Variants in CSMD3 observed in about 807,000 individuals in gnomAD.
CSMD3 encodes the protein CUB and Sushi multiple domains 3.
A neutral mutation model predicts 435.2 loss-of-function variants in CSMD3; 177 were observed. The ratio of observed to expected loss-of-function variants is 0.41; its 90% CI spans 0.36 to 0.46. CSMD3 has a LOEUF of 0.46. Ranked by LOEUF, CSMD3 falls within the 20% of genes least tolerant of loss-of-function variation. The pLI is 0.34. For synonymous variants in CSMD3, 1,656 were observed against 1,520.5 expected (o/e 1.09, Z -2.07); for missense variants, 4,265 against 4,504.6 (o/e 0.95, Z 1.52).
At chr8:112,823,416 G>C (rs1210419356) in intron 12 of CSMD3, among the ~76,000 whole-genome samples, 3 of 151,944 alleles carry the variant, frequency 2.0e-5, no homozygotes, top group East Asian at 1.9e-4. Flanking sequence ...TGATGTCAGG[G>C]TGTCAATTTG....
chr8:112,289,516 G>T lies in CSMD3; in HGVS notation c.8997C>A (p.Gly2999=). Residue 2999 remains glycine (G), a synonymous_variant, in exon 57 of 71, where the codon GGC becomes GGA. Transcript: ENST00000297405. ...CAGACAGGACTGCATTAGGAGGAAC[G>T]CCAGGGTGTCCACAGTCAATCACTA... ...ECIMIDCGHP[G]VPPNAVLSGE... is the part of the protein sequence containing the mutation. 1 of 1,612,058 alleles carries T rather than the reference G, an allele frequency of 6.2e-7. No individual in the cohort carries two copies.
intron 13 of CSMD3, among the ~76,000 whole-genome samples, chr8:112,722,740 G>C (rs1374418797): frequency 6.6e-6 from 1 of 151,930 alleles, no homozygotes; most frequent in South Asian, 2.1e-4. Flanking sequence ...ATAGACACAA[G>C]GAATAAAAGA....
intron 1 of CSMD3, among the ~76,000 whole-genome samples, chr8:113,370,404 G>C (rs539100131): frequency 6.6e-6 from 1 of 150,686 alleles, no homozygotes; most frequent in South Asian, 2.1e-4. Context: ...TTGTCAAATT[G>C]TGATTAGGTT....
chr8:112,616,989 C>T (rs184544580), intron 22 of CSMD3, among the ~76,000 whole-genome samples: 351 of 152,270 alleles, frequency 2.3e-3, no homozygotes, highest in African/African-American at 8.0e-3. Flanking sequence ...CATTAGGCTG[C>T]TTGTCTCTCC....
intron 31 of CSMD3, among the ~76,000 whole-genome samples, chr8:112,480,572 G>A (rs1001587206): frequency 6.6e-6 from 1 of 152,100 alleles, no homozygotes; most frequent in African/African-American, 2.4e-5. Context: ...CTATCCTTGC[G>A]ATAGTGAGTG....
At chr8:112,592,847 G>A (rs1831316157) in intron 22 of CSMD3, among the ~76,000 whole-genome samples, 2 of 152,144 alleles carry the variant, frequency 1.3e-5, no homozygotes, top group South Asian at 4.2e-4. Context: ...CATGTGATAT[G>A]TACTCCAAAA....
chr8:113,310,877 TA>T (rs1439161760), intron 2 of CSMD3: 1 of 151,910 alleles, frequency 6.6e-6, no homozygotes, highest in Non-Finnish European at 1.5e-5. Flanking sequence ...GATAATTACA[TA>T]AATTATATCC....
chr8:112,891,134 T>C (rs1780712976), intron 10 of CSMD3, among the ~76,000 whole-genome samples: 1 of 151,612 alleles, frequency 6.6e-6, no homozygotes, highest in South Asian at 2.1e-4. Flanking sequence ...CTGGGACTTG[T>C]AACATCCAAT....
intron 16 of CSMD3, among the ~76,000 whole-genome samples, chr8:112,671,954 G>C (rs1407080175): frequency 6.6e-6 from 1 of 151,820 alleles, no homozygotes; most frequent in Non-Finnish European, 1.5e-5. Flanking sequence ...TAAACATTTA[G>C]TTTCTGCTAC....
intron 9 of CSMD3, among the ~76,000 whole-genome samples, chr8:112,943,038 G>A (rs944229952): frequency 2.0e-5 from 3 of 151,496 alleles, no homozygotes; most frequent in African/African-American, 7.3e-5. Context: ...CTATGTAATC[G>A]TATCTGGTAG....
intron 32 of CSMD3, among the ~76,000 whole-genome samples, chr8:112,428,315 T>C (rs1813293775): frequency 6.6e-6 from 1 of 151,988 alleles, no homozygotes; most frequent in South Asian, 2.1e-4. Flanking sequence ...AAATATATTC[T>C]CAAAACAGAG....
intron 36 of CSMD3, among the ~76,000 whole-genome samples, chr8:112,385,770 T>C (rs964462404): frequency 6.6e-6 from 1 of 152,054 alleles, no homozygotes; most frequent in Non-Finnish European, 1.5e-5. Flanking sequence ...TTTCTGTTAT[T>C]GAGAGTAGTG....
At chr8:112,485,590 A>C (rs2130817866) in intron 31 of CSMD3, among the ~76,000 whole-genome samples, 1 of 152,266 alleles carries the variant, frequency 6.6e-6, no homozygotes, top group Middle Eastern at 3.4e-3. Context: ...CCATTTAAAC[A>C]AAATATCTGA....
rs560119136 is a variant in CSMD3 at position 112,893,569 on chromosome 8, G to A, written c.1633+28058C>T. ...CCAGGTCACTTGGTCAGGAAGTGGT[G>A]GAGCAGAGATTTAATCCCTGTTTCT... is the stretch of plus-strand genomic sequence containing the variant. On this transcript the variant is annotated intron_variant, in intron 10 of 70. Transcript: ENST00000297405. Among the ~76,000 whole-genome samples, 166 of 151,588 alleles carry A rather than the reference G, an allele frequency of 1.1e-3. 1 individual carries two copies. Among genetic ancestry groups the A allele is most frequent in the Admixed American group, 1.7e-3 (26 of 15,186 alleles).
intron 30 of CSMD3, among the ~76,000 whole-genome samples, chr8:112,500,822 C>A (rs565744022): frequency 1.3e-5 from 2 of 152,060 alleles, no homozygotes; most frequent in South Asian, 4.1e-4. Flanking sequence ...ATGGGGGCTT[C>A]ATCTGCCCTT....
At position 112,778,066 on chromosome 8, in the gene CSMD3, T is replaced by C. The variant is rs1398714431; in HGVS notation, c.1972+22096A>G. 2.6e-5 allele frequency among the ~76,000 whole-genome samples: 4 copies of C among 151,888 alleles called. No homozygotes were observed. The East Asian group carries it at 5.8e-4, about 22-fold the overall frequency. On this transcript the variant is annotated intron_variant, in intron 13 of 70. Coordinates refer to ENST00000297405, the MANE Select transcript of CSMD3 (RefSeq NM_198123.2). ...TTAAAAAATCAATAATCTTTGTTTT[T>C]AGAGCAGTTTTGTGTTCGCAGCAAA...
intron 18 of CSMD3, among the ~76,000 whole-genome samples, chr8:112,654,632 C>G (rs941577514): frequency 5.3e-5 from 8 of 152,112 alleles, no homozygotes; most frequent in Admixed American, 3.9e-4. Context: ...TATTTTTATT[C>G]CTTATCTGAC....
chr8:112,409,292 A>T (rs2130085557), intron 32 of CSMD3, among the ~76,000 whole-genome samples: 1 of 152,208 alleles, frequency 6.6e-6, no homozygotes, highest in East Asian at 1.9e-4. Flanking sequence ...TGAGCATAGC[A>T]TTTAATTTGG....
intron 38 of CSMD3, among the ~76,000 whole-genome samples, chr8:112,373,193 A>G (rs1333800135): frequency 6.6e-6 from 1 of 151,832 alleles, no homozygotes; most frequent in East Asian, 1.9e-4. Context: ...CTTGGATGAA[A>G]AAAATAAACA....
Sources: allele counts gnomAD v4.1 joint callset (sites outside exome capture counted in the v4.1 genomes callset), GRCh38; gene constraint gnomAD v4.1.1; transcripts MANE v1.5; gene names NCBI Gene and HGNC (gene_info 2026-07-23, HGNC 2026-07-21).